SEC61A2: variants seen among roughly 807,000 people sequenced by gnomAD.
The protein encoded by SEC61A2 is protein transport protein Sec61 subunit alpha isoform 2.
Under a neutral mutation model 59.9 loss-of-function variants are expected in SEC61A2, and 28 were observed. The observed-to-expected ratio is 0.47, with a 90% CI of 0.35 to 0.64. SEC61A2 has a LOEUF of 0.64. SEC61A2 is among the 30% of genes least tolerant of loss of function. The pLI is 0.01. For missense variants in SEC61A2, 340 were observed against 585.9 expected, an observed-to-expected ratio of 0.58 and a Z score of 4.33; for synonymous variants, 202 against 214.4, an observed-to-expected ratio of 0.94 and a Z score of 0.50.
Position 12,152,376 on chromosome 10 carries a change from C to T in SEC61A2, c.462+2415C>T, listed in dbSNP as rs370362318. ...ATTACAGGCGTGAGCCACCACGCCC[C>T]GCCCAGGGCAGGAATTTTTAATGAA... On this transcript the variant is annotated intron_variant, in intron 6 of 11. Transcript: ENST00000298428. The surrounding 1 kb of genome is among the most constrained non-coding windows in gnomAD (Gnocchi z 5.5). 1.1e-4 allele frequency among the ~76,000 whole-genome samples: 16 copies of T among 147,916 alleles called. No individual in the cohort carries two copies. The highest frequency in any genetic ancestry group is 1.6e-4 in the Non-Finnish European group (11 of 66,926).
chr10:12,147,530 C>T (rs929957584), intron 4 of SEC61A2, among the ~76,000 whole-genome samples: 1 of 151,986 alleles, frequency 6.6e-6, no homozygotes, highest in Non-Finnish European at 1.5e-5. Flanking sequence ...ACCAAAAATA[C>T]AGAAATTAGC....
At position 12,154,102 on chromosome 10, in the gene SEC61A2, A is replaced by G. The variant is rs987564765; in HGVS notation, c.463-1676A>G. Among the ~76,000 whole-genome samples, 2 of 152,202 alleles carry G rather than the reference A, an allele frequency of 1.3e-5. No homozygotes were observed. Among genetic ancestry groups the G allele is most frequent in the African/African-American group, 2.4e-5 (1 of 41,450 alleles). ...CCATGTTTATACCGGCTCATCATAC[A>G]TGTCGTCCATTCCCCGTGAACATGT... On this transcript the variant is annotated intron_variant, in intron 6 of 11. Coordinates refer to ENST00000298428, the MANE Select transcript of SEC61A2 (RefSeq NM_018144.4). The surrounding 1 kb of genome is among the most constrained non-coding windows in gnomAD (Gnocchi z 5.2).
chr10:12,133,331 A>G (rs758388726), intron 2 of SEC61A2, 23 bp downstream of exon 2: 4 of 1,262,182 alleles, frequency 3.2e-6, no homozygotes, highest in South Asian at 2.5e-5. Flanking sequence ...TTTTAGTAAT[A>G]TAGAGGGTAG....
In SEC61A2 at chr10:12,164,011, T is replaced by C. The variant is rs76406920; in HGVS notation, c.1245-257T>C. ...TATTTAAATCTGTCCAGGAATCTCA[T>C]GTCCTGTAAGATTACATATTGTCTT... On this transcript the variant is annotated intron_variant, in intron 11 of 11. Transcript: ENST00000298428. This position sits in a 1 kb window ranked among gnomAD's most constrained non-coding sequence, Gnocchi z 7.3. 5.3e-5 allele frequency among the ~76,000 whole-genome samples: 8 copies of C among 152,244 alleles called. No homozygotes were observed. The highest frequency in any genetic ancestry group is 1.9e-4 in the African/African-American group (8 of 41,466).
In SEC61A2 at chr10:12,149,966, G is replaced by T. The variant is rs201926570; in HGVS notation, c.462+5G>T. 6.8e-5 allele frequency: 108 copies of T among 1,578,602 alleles called. 1 individual carries two copies. In the Middle Eastern group the frequency reaches 2.2e-3, roughly 32 times the overall value. ...TGTCTCCTGATCATCATTCAGGTAAGAAATCCTATATTTTCCTATGCAGAT... is the reference window on the plus strand; with the variant it reads ...TGTCTCCTGATCATCATTCAGGTAATAAATCCTATATTTTCCTATGCAGAT... On this transcript the variant is annotated splice_donor_5th_base_variant and intron_variant, in intron 6 of 11. Transcript: ENST00000298428. This position sits in a 1 kb window ranked among gnomAD's most constrained non-coding sequence, Gnocchi z 5.2.
downstream of SEC61A2, chr10:12,167,751 A>G: frequency 6.2e-7 from 1 of 1,614,206 alleles, no homozygotes; most frequent in Non-Finnish European, 8.5e-7. Flanking sequence ...TGCATGTTTC[A>G]GTGCTAGAGC....
At position 12,143,154 on chromosome 10, in the gene SEC61A2, A is replaced by G; in HGVS notation, c.179A>G (p.Asp60Gly). The G allele has an allele frequency of 6.2e-7, 1 of 1,613,536 alleles. No homozygotes were observed. The highest frequency in any genetic ancestry group is 8.5e-7 in the Non-Finnish European group (1 of 1,179,478). Residue 60 changes from aspartate (D) to glycine (G), a missense_variant, in exon 4 of 12, where the codon GAT (aspartate) becomes GGT (glycine). Physicochemically the swap from Asp to Gly is moderately conservative, Grantham distance 94. Transcript: ENST00000298428. This position sits in a 1 kb window ranked among gnomAD's most constrained non-coding sequence, Gnocchi z 4.8. ...GGAATCATGTCATCAGATTCTGCAGATCCTTTCTACTGGATGAGAGTTATT... is the reference window on the plus strand; with the variant it reads ...GGAATCATGTCATCAGATTCTGCAGGTCCTTTCTACTGGATGAGAGTTATT... ...LFGIMSSDSA[D>G]PFYWMRVILA...
chr10:12,139,935 C>G (rs532006537), intron 3 of SEC61A2, among the ~76,000 whole-genome samples: 11 of 150,320 alleles, frequency 7.3e-5, no homozygotes, highest in African/African-American at 2.7e-4. Flanking sequence ...CGCCACTGCA[C>G]TCCAGCCTGG....
intron 3 of SEC61A2, among the ~76,000 whole-genome samples, chr10:12,141,927 G>A (rs962502682): frequency 6.6e-6 from 1 of 152,188 alleles, no homozygotes; most frequent in Non-Finnish European, 1.5e-5. Context: ...GACAAATCCA[G>A]TTTGTCAGTA....
At position 12,157,985 on chromosome 10, in the gene SEC61A2, C is replaced by T; in HGVS notation, c.855C>T (p.Tyr285=). 1 of 1,614,180 alleles carries T rather than the reference C, an allele frequency of 6.2e-7. No homozygotes were observed. The highest frequency in any genetic ancestry group is 8.5e-7 in the Non-Finnish European group (1 of 1,180,026). The part of the protein sequence containing the change: ...QYSSYPIKLF[Y]TSNIPIILQS... ...GCAGCTACCCCATCAAACTCTTCTACACCTCCAACATCCCCATCATCCTCC... is the reference window on the plus strand; with the variant it reads ...GCAGCTACCCCATCAAACTCTTCTATACCTCCAACATCCCCATCATCCTCC... The change falls in exon 9 of 12, where the codon TAC becomes TAT. Residue 285 remains tyrosine (Y), a synonymous_variant. Coordinates refer to ENST00000298428, the MANE Select transcript of SEC61A2 (RefSeq NM_018144.4).
chr10:12,144,311 C>A (rs1834090063), intron 4 of SEC61A2, among the ~76,000 whole-genome samples: 1 of 152,140 alleles, frequency 6.6e-6, no homozygotes, highest in Non-Finnish European at 1.5e-5. Flanking sequence ...GAGGCCTTTT[C>A]TTTGCACATA....
chr10:12,164,310 C>CACT lies in SEC61A2; in HGVS notation c.1287_1288insACT (p.Gly429_Ala430insThr). The CACT allele has an allele frequency of 1.9e-6, 3 of 1,613,778 alleles. No individual in the cohort carries two copies. The highest frequency in any genetic ancestry group is 2.5e-6 in the Non-Finnish European group (3 of 1,180,016). On this transcript the variant is annotated inframe_insertion, in exon 12 of 12. Coordinates refer to ENST00000298428, the MANE Select transcript of SEC61A2 (RefSeq NM_018144.4). The surrounding 1 kb of genome is among the most constrained non-coding windows in gnomAD (Gnocchi z 7.3). ...CTGCGTTTGGCGGTTTGTGCATTGGCGCCCTGTCAGTGCTGGCTGACTTCC... is the reference window on the plus strand; with the variant it reads ...CTGCGTTTGGCGGTTTGTGCATTGGCACTGCCCTGTCAGTGCTGGCTGACTTCC...
chr10:12,165,821 G>C (rs1834665866), downstream of SEC61A2: 1 of 152,226 alleles, frequency 6.6e-6, no homozygotes. Context: ...GATAAAGGCA[G>C]GCAGGATAGT....
intron 3 of SEC61A2, among the ~76,000 whole-genome samples, chr10:12,138,757 C>G (rs1050516638): frequency 3.9e-5 from 6 of 152,216 alleles, no homozygotes; most frequent in African/African-American, 1.4e-4. Flanking sequence ...TTTATTCATT[C>G]ATTCGCTTGT....
chr10:12,148,416 T>C (rs1436763675), intron 4 of SEC61A2, among the ~76,000 whole-genome samples: 2 of 151,732 alleles, frequency 1.3e-5, no homozygotes, highest in Non-Finnish European at 2.9e-5. Context: ...CGGATACTTT[T>C]GTATTTTTAT....
chr10:12,134,828 G>T (rs1230465319), intron 2 of SEC61A2, among the ~76,000 whole-genome samples: 1 of 151,878 alleles, frequency 6.6e-6, no homozygotes, highest in East Asian at 1.9e-4. Flanking sequence ...TGAGGCAGGA[G>T]AATCGCTTGA....
In SEC61A2 at chr10:12,165,163, T is replaced by C; in HGVS notation, c.*709T>C. The C allele has an allele frequency of 1.0e-6, 1 of 985,502 alleles. No homozygotes were observed. Among genetic ancestry groups the C allele is most frequent in the Non-Finnish European group, 1.2e-6 (1 of 829,932 alleles). The allele number at this position is 985,502 out of a possible 1,614,324, so 61.0% of individuals were successfully genotyped here. The stretch of plus-strand genomic sequence containing the variant: ...ATGCCTTCTAACTCCAACCAGTCAC[T>C]TGAGAATATTCTTTCAAGATTCTGG... On this transcript the variant is annotated 3_prime_UTR_variant, in exon 12 of 12. Transcript: ENST00000298428.
intron 4 of SEC61A2, among the ~76,000 whole-genome samples, chr10:12,148,816 G>A (rs944429004): frequency 4.6e-5 from 7 of 151,920 alleles, no homozygotes; most frequent in African/African-American, 1.7e-4. Context: ...GAGCCACCAC[G>A]CCTGGCCAAT....
chr10:12,141,856 G>A (rs1297648095), intron 3 of SEC61A2, among the ~76,000 whole-genome samples: 3 of 152,134 alleles, frequency 2.0e-5, no homozygotes, highest in Non-Finnish European at 4.4e-5. Flanking sequence ...TCTGTGAAAG[G>A]GCCATATATG....
Sources: allele counts gnomAD v4.1 joint callset (sites outside exome capture counted in the v4.1 genomes callset), GRCh38; gene constraint gnomAD v4.1.1; non-coding constraint Gnocchi (gnomAD v3.1); transcripts MANE v1.5; gene names NCBI Gene and HGNC (gene_info 2026-07-23, HGNC 2026-07-21).